Variants in TBCD observed in about 807,000 individuals in gnomAD.
The protein encoded by TBCD is tubulin-specific chaperone D.
Under a neutral mutation model 169.3 loss-of-function variants are expected in TBCD, and 105 were observed. The ratio of observed to expected loss-of-function variants is 0.62; its 90% confidence interval spans 0.53 to 0.73. The LOEUF is 0.73. Among genes scored for constraint, TBCD ranks in the 30% least tolerant of loss-of-function variants. The pLI, the probability that TBCD is intolerant of heterozygous loss-of-function variation, is 0.00. For missense variants in TBCD, 1,444 were observed against 1,600.1 expected (o/e 0.90, Z 1.66); for synonymous variants, 700 against 643.9 (o/e 1.09, Z -1.32).
intron 13 of TBCD, among the ~76,000 whole-genome samples, chr17:82,841,279 A>C (rs2054504376): frequency 6.6e-6 from 1 of 151,516 alleles, no homozygotes; most frequent in Non-Finnish European, 1.5e-5. Context: ...CTTAAGACTT[A>C]AGATTTTACA....
intron 13 of TBCD, among the ~76,000 whole-genome samples, chr17:82,823,800 A>G (rs1416080744): frequency 6.6e-6 from 1 of 152,072 alleles, no homozygotes; most frequent in Non-Finnish European, 1.5e-5. Context: ...ATGTATAACA[A>G]ATTTGCTCTT....
intron 13 of TBCD, among the ~76,000 whole-genome samples, chr17:82,818,861 G>A (rs921481525): frequency 1.3e-5 from 2 of 152,228 alleles, no homozygotes; most frequent in African/African-American, 2.4e-5. Flanking sequence ...GAGGCCAGGA[G>A]TTCGAGACCA....
intron 14 of TBCD, among the ~76,000 whole-genome samples, chr17:82,882,543 G>A (rs547381318): frequency 6.6e-6 from 1 of 152,344 alleles, no homozygotes; most frequent in South Asian, 2.1e-4. Context: ...TGGGGCCGAG[G>A]AGAGAGGAGC....
At position 82,833,893 on chromosome 17, in the gene TBCD, G is replaced by C. The variant is rs2053727858; in HGVS notation, c.1318+18959G>C. On this transcript the variant is annotated intron_variant, in intron 13 of 38. Coordinates refer to ENST00000355528, the MANE Select transcript of TBCD (RefSeq NM_005993.5). The surrounding 1 kb of genome is among the most constrained non-coding windows in gnomAD (Gnocchi z 4.7). ...GAGGGTCTCTGTGTCCCCCTTACCA[G>C]CCTCAGGTTTCCTTCAGAGGCTGTG... is the stretch of plus-strand genomic sequence containing the variant. 6.6e-6 allele frequency among the ~76,000 whole-genome samples: 1 copy of C among 152,108 alleles called. No homozygotes were observed. The highest frequency in any genetic ancestry group is 6.5e-5 in the Admixed American group (1 of 15,278).
At chr17:82,929,302 G>T in intron 31 of TBCD, 31 bp downstream of exon 31, 1 of 1,611,120 alleles carries the variant, frequency 6.2e-7, no homozygotes. Context: ...CCCCGTGCTG[G>T]CCCCGCAGCC....
At chr17:82,824,077 G>C (rs1187811849) in intron 13 of TBCD, among the ~76,000 whole-genome samples, 1 of 151,874 alleles carries the variant, frequency 6.6e-6, no homozygotes, top group Non-Finnish European at 1.5e-5. Flanking sequence ...ATGTTTTCAA[G>C]GTTAATCTGT....
Position 82,831,297 on chromosome 17 carries a change from G to A in TBCD, c.1318+16363G>A, listed in dbSNP as rs2053487806. 1.9e-6 allele frequency: 3 copies of A among 1,613,798 alleles called. No homozygotes were observed. The highest frequency in any genetic ancestry group is 1.3e-5 in the African/African-American group (1 of 74,932). On this transcript the variant is annotated intron_variant, in intron 13 of 38. Transcript: ENST00000355528. The surrounding 1 kb of genome is among the most constrained non-coding windows in gnomAD (Gnocchi z 4.6). ...TGTCTCTCTGCCCAGCCTTGGAGGA[G>A]TCTTTAGCCTCAGGAATTGGACTTT...
chr17:82,803,872 G>A, intron 9 of TBCD, among the ~76,000 whole-genome samples: 1 of 149,254 alleles, frequency 6.7e-6, no homozygotes. Flanking sequence ...GGCGTTAGGG[G>A]AGACTGGGGG....
Position 82,820,763 on chromosome 17 carries a change from T to C in TBCD, c.1318+5829T>C, listed in dbSNP as rs114818538. Among the ~76,000 whole-genome samples, 1,208 of 151,728 alleles carry C rather than the reference T, an allele frequency of 8.0e-3. 12 individuals are homozygous for C. Among genetic ancestry groups the C allele is most frequent in the African/African-American group, 0.028 (1,155 of 41,424 alleles). ...TTTCAGCTCTTGAGTCCTCTTGTTATGTTAATACACATGTTGGTAAGCTTG... is the reference window on the plus strand; with the variant it reads ...TTTCAGCTCTTGAGTCCTCTTGTTACGTTAATACACATGTTGGTAAGCTTG... On this transcript the variant is annotated intron_variant, in intron 13 of 38. Transcript: ENST00000355528.
At chr17:82,885,205 G>T (rs1478585724) in intron 15 of TBCD, among the ~76,000 whole-genome samples, 1 of 152,090 alleles carries the variant, frequency 6.6e-6, no homozygotes, top group African/African-American at 2.4e-5. Context: ...TGGTGAGTGG[G>T]ACCAGGCGGA....
chr17:82,926,455 C>T lies in TBCD; in HGVS notation c.2435C>T (p.Ala812Val), dbSNP rs758127032. The change falls in exon 28 of 39, where the codon GCT becomes GTT. Residue 812 changes from alanine (A) to valine (V), a missense_variant. By Grantham distance (64) the Ala-to-Val change is moderately conservative. Coordinates refer to ENST00000355528, the MANE Select transcript of TBCD (RefSeq NM_005993.5). Reference sequence around the variant, plus strand: ...ACTTCCCCCGAGGACGTAAGTTTTGCTGAGTCCAGGAGAGACGGCTTGAAG... The same window carrying T: ...ACTTCCCCCGAGGACGTAAGTTTTGTTGAGTCCAGGAGAGACGGCTTGAAG... ...THTSPEDVSF[A>V]ESRRDGLKAI... is the part of the protein sequence containing the mutation. 1.9e-6 allele frequency: 3 copies of T among 1,614,016 alleles called. No homozygotes were observed. Among genetic ancestry groups the T allele is most frequent in the Non-Finnish European group, 2.5e-6 (3 of 1,179,880 alleles).
chr17:82,781,501 G>A (rs2048947424), intron 6 of TBCD, 88 bp from the exon 7 acceptor site: 1 of 1,536,008 alleles, frequency 6.5e-7, no homozygotes, highest in Admixed American at 1.8e-5. Flanking sequence ...GGGAGGGCCT[G>A]GGGAGGTGGG....
At chr17:82,860,610 G>T (rs1237332826) in intron 13 of TBCD, among the ~76,000 whole-genome samples, 1 of 152,238 alleles carries the variant, frequency 6.6e-6, no homozygotes, top group African/African-American at 2.4e-5. Context: ...TGACAGTGGA[G>T]AGCCAGCAGA....
At chr17:82,866,829 G>T (rs910033811) in intron 13 of TBCD, among the ~76,000 whole-genome samples, 6 of 152,254 alleles carry the variant, frequency 3.9e-5, no homozygotes, top group Admixed American at 1.3e-4. Context: ...CAGCAGTCCA[G>T]TGTGCACGGG....
At chr17:82,860,881 C>T (rs2056700238) in intron 13 of TBCD, among the ~76,000 whole-genome samples, 1 of 152,230 alleles carries the variant, frequency 6.6e-6, no homozygotes, top group Non-Finnish European at 1.5e-5. Flanking sequence ...GGCACTGGGA[C>T]ACGGCCATTG....
At chr17:82,879,101 C>G (rs1054937152) in intron 14 of TBCD, among the ~76,000 whole-genome samples, 1 of 71,820 alleles carries the variant, frequency 1.4e-5, no homozygotes, top group South Asian at 5.1e-4. Context: ...AGCCTTTTTT[C>G]TTTCCTTCTG....
At chr17:82,847,884 G>A (rs1007519201) in intron 13 of TBCD, among the ~76,000 whole-genome samples, 4 of 152,220 alleles carry the variant, frequency 2.6e-5, no homozygotes, top group South Asian at 2.1e-4. Context: ...GCCTCCCAAA[G>A]TGCTGGGATT....
intron 14 of TBCD, among the ~76,000 whole-genome samples, chr17:82,883,737 C>T (rs926087875): frequency 2.6e-5 from 4 of 152,218 alleles, no homozygotes; most frequent in Non-Finnish European, 5.9e-5. Context: ...GGTTTGCCCC[C>T]CTGTCCAAAC....
At chr17:82,888,693 G>A (rs2058923292) in intron 15 of TBCD, among the ~76,000 whole-genome samples, 1 of 151,924 alleles carries the variant, frequency 6.6e-6, no homozygotes, top group Admixed American at 6.5e-5. Flanking sequence ...CCTTTTCCCT[G>A]GGGGGTGGGG....
Sources: gnomAD v4.1 joint callset for allele counts (sites outside exome capture counted in the v4.1 genomes callset) on GRCh38, gnomAD v4.1.1 for gene constraint, Gnocchi (gnomAD v3.1) non-coding constraint, MANE v1.5 for transcripts, NCBI Gene and HGNC (gene_info 2026-07-23, HGNC 2026-07-21) for gene names.